ARMC8: variants seen among roughly 807,000 people sequenced by gnomAD.
ARMC8 encodes the protein armadillo repeat-containing protein 8.
Under a neutral mutation model 99.3 loss-of-function variants are expected in ARMC8, and 20 were observed. The ratio of observed to expected loss-of-function variants is 0.20; its 90% CI spans 0.14 to 0.29. ARMC8 has a LOEUF of 0.29. ARMC8 is among the 10% of genes least tolerant of loss of function. ARMC8 has a pLI of 1.00. For synonymous variants in ARMC8, 263 were observed against 278.3 expected, an observed-to-expected ratio of 0.95 and a Z score of 0.55; for missense variants, 569 against 809.5, an observed-to-expected ratio of 0.70 and a Z score of 3.60.
rs564288632 is a variant in ARMC8, at chr3:138,298,042, T to C, written c.*2150T>C. 5 of 152,370 alleles carry C rather than the reference T, an allele frequency of 3.3e-5. No homozygotes were observed. In the East Asian group the frequency reaches 7.7e-4, roughly 24 times the overall value. 9.4% of individuals were successfully genotyped at this position (152,370 alleles called of 1,614,324 possible). ...AATGCTTTACTATAATTAACTTTTC[T>C]GATTTGAATGAAGGGAAATGTATTT... On this transcript the variant is annotated 3_prime_UTR_variant, in exon 22 of 22. Transcript: ENST00000469044.
chr3:138,191,016 G>A (rs1191047852), intron 1 of ARMC8, among the ~76,000 whole-genome samples: 1 of 152,228 alleles, frequency 6.6e-6, no homozygotes, highest in Non-Finnish European at 1.5e-5. Context: ...TGAGCTGAAA[G>A]TTCAAGGATA....
At chr3:138,188,006 A>G in intron 1 of ARMC8, 1 of 254,846 alleles carries the variant, frequency 3.9e-6, no homozygotes, top group Non-Finnish European at 7.6e-6. Flanking sequence ...ACGAGCGCCC[A>G]CTCAGCTCTC....
At chr3:138,256,484 C>A (rs2047414424) in intron 12 of ARMC8, among the ~76,000 whole-genome samples, 1 of 142,650 alleles carries the variant, frequency 7.0e-6, no homozygotes, top group East Asian at 2.1e-4. Flanking sequence ...TATCTCGGCT[C>A]ACTGCAAGCT....
In ARMC8 at chr3:138,224,951, A is replaced by C. The variant is rs73867046; in HGVS notation, c.435+1218A>C. ...ACTTAAGTTTATTTTACGCTAGATG[A>C]ATGATAGGGAGTTCAGCTGACTTTC... On this transcript the variant is annotated intron_variant, in intron 5 of 21. Coordinates refer to ENST00000469044, the MANE Select transcript of ARMC8 (RefSeq NM_001363941.2). 5.4e-3 allele frequency among the ~76,000 whole-genome samples: 825 copies of C among 152,214 alleles called. 11 individuals carry two copies. The highest frequency in any genetic ancestry group is 0.018 in the African/African-American group (760 of 41,544).
At chr3:138,206,963 CTT>C (rs1217490778) in intron 1 of ARMC8, among the ~76,000 whole-genome samples, 2 of 152,234 alleles carry the variant, frequency 1.3e-5, no homozygotes, top group African/African-American at 4.8e-5. Flanking sequence ...TAGCATGTAA[CTT>C]TGACCAAAAG....
chr3:138,246,415 A>G, intron 12 of ARMC8: 15 of 985,602 alleles, frequency 1.5e-5, no homozygotes, highest in African/African-American at 1.7e-5. Flanking sequence ...TATATATATG[A>G]TTTATGGATG....
intron 10 of ARMC8, 26 bp from the exon 11 acceptor site, chr3:138,241,757 A>G (rs1360538346): frequency 1.2e-6 from 2 of 1,610,698 alleles, no homozygotes; most frequent in African/African-American, 1.3e-5. Context: ...ACCAAAAAGC[A>G]AATAATTAAT....
At chr3:138,291,947 G>A (rs1471957428) in intron 21 of ARMC8, among the ~76,000 whole-genome samples, 1 of 152,178 alleles carries the variant, frequency 6.6e-6, no homozygotes, top group Non-Finnish European at 1.5e-5. Flanking sequence ...CTTTTATTCA[G>A]AGTTTAATAG....
At chr3:138,290,483 T>C (rs549026799) in intron 20 of ARMC8, 63 bp from the exon 21 acceptor site, 9 of 1,204,588 alleles carry the variant, frequency 7.5e-6, no homozygotes, top group Non-Finnish European at 1.1e-5. Context: ...AGATTGTTAA[T>C]TGTACATCAA....
chr3:138,265,981 G>C (rs1394502055), intron 14 of ARMC8, among the ~76,000 whole-genome samples: 1 of 152,170 alleles, frequency 6.6e-6, no homozygotes, highest in African/African-American at 2.4e-5. Flanking sequence ...CACTACTCAG[G>C]AGCTGTCAGG....
At chr3:138,277,274 A>C (rs890680251) in intron 18 of ARMC8, among the ~76,000 whole-genome samples, 1 of 152,246 alleles carries the variant, frequency 6.6e-6, no homozygotes, top group African/African-American at 2.4e-5. Context: ...ACTGATAGAC[A>C]TAACATAAAA....
chr3:138,274,910 A>G (rs993473849), intron 18 of ARMC8, among the ~76,000 whole-genome samples: 2 of 152,012 alleles, frequency 1.3e-5, no homozygotes, highest in African/African-American at 4.8e-5. Flanking sequence ...CATGCTCTCA[A>G]CTCAAAATTC....
At chr3:138,264,412 C>CTTTTTTTT (rs11298899) in intron 14 of ARMC8, among the ~76,000 whole-genome samples, 200 bp downstream of exon 14, 15 of 48,640 alleles carry the variant, frequency 3.1e-4, no homozygotes, top group Admixed American at 1.3e-3. Flanking sequence ...GATTTTCTTT[C>CTTTTTTTT]TTTTTTTTTT....
At chr3:138,209,919 A>T (rs370126943) in intron 2 of ARMC8, 26 bp downstream of exon 2, 6 of 1,572,200 alleles carry the variant, frequency 3.8e-6, no homozygotes, top group Non-Finnish European at 5.2e-6. Context: ...TTAAGAGTCT[A>T]TCAAAAAGTT....
At chr3:138,211,407 T>C (rs963506319) in intron 2 of ARMC8, among the ~76,000 whole-genome samples, 1 of 152,250 alleles carries the variant, frequency 6.6e-6, no homozygotes, top group Admixed American at 6.5e-5. Context: ...CTATCTGATA[T>C]GAGTAGCTGA....
intron 18 of ARMC8, among the ~76,000 whole-genome samples, chr3:138,275,354 G>A (rs936751588): frequency 6.6e-5 from 10 of 152,030 alleles, no homozygotes; most frequent in African/African-American, 2.4e-4. Flanking sequence ...TCAGGAGATC[G>A]AGACCATCCT....
In ARMC8 at chr3:138,218,407, T is replaced by C. The variant is rs147323830; in HGVS notation, c.123-3519T>C. Among the ~76,000 whole-genome samples the C allele has an allele frequency of 1.4e-3, 216 of 152,344 alleles. 1 individual carries two copies. Among genetic ancestry groups the C allele is most frequent in the African/African-American group, 5.0e-3 (208 of 41,588 alleles). The stretch of plus-strand genomic sequence containing the variant: ...CATCTCCCTATCACTTTTCTAACTT[T>C]ATGTTCCATGCCACCCTAAAGCGAA... On this transcript the variant is annotated intron_variant, in intron 2 of 21. Coordinates refer to ENST00000469044, the MANE Select transcript of ARMC8 (RefSeq NM_001363941.2).
rs1419337874 is a variant in ARMC8 at position 138,187,512 on chromosome 3, C to T, written c.-43C>T. On this transcript the variant is annotated 5_prime_UTR_variant, in exon 1 of 22. Transcript: ENST00000469044. ...AATAGTTGGCTGTCGAAAGTGCCGG[C>T]CCCCGCGCCGGCGCCTGCAGCAGCC... 1.3e-6 allele frequency: 2 copies of T among 1,534,360 alleles called. No homozygotes were observed. The highest frequency in any genetic ancestry group is 2.4e-5 in the East Asian group (1 of 40,838).
At chr3:138,201,291 T>A (rs890702276) in intron 1 of ARMC8, among the ~76,000 whole-genome samples, 1 of 151,710 alleles carries the variant, frequency 6.6e-6, no homozygotes, top group South Asian at 2.1e-4. Flanking sequence ...AGTTAAAAAA[T>A]ACACTTCAGC....
Sources: gnomAD v4.1 joint callset for allele counts (sites outside exome capture counted in the v4.1 genomes callset) on GRCh38, gnomAD v4.1.1 for gene constraint, MANE v1.5 for transcripts, NCBI Gene and HGNC (gene_info 2026-07-23, HGNC 2026-07-21) for gene names.